EDIL3: variants seen among roughly 807,000 people sequenced by gnomAD.
EDIL3 encodes EGF like and discoidin domains 3.
A neutral mutation model predicts 67.4 loss-of-function variants in EDIL3; 37 were observed. The observed-to-expected ratio is 0.55, with a 90% CI of 0.42 to 0.72. The LOEUF (loss-of-function observed/expected upper bound fraction) is 0.72, where lower values mean the gene tolerates loss of function less well. Among genes scored for constraint, EDIL3 ranks in the 30% least tolerant of loss-of-function variants. EDIL3 has a pLI of 0.00. For missense variants in EDIL3, 527 were observed against 586.3 expected (o/e 0.90, Z 1.04); for synonymous variants, 195 against 196.3 (o/e 0.99, Z 0.05).
chr5:84,128,150 T>A, intron 5 of EDIL3, among the ~76,000 whole-genome samples: 1 of 152,130 alleles, frequency 6.6e-6, no homozygotes, highest in East Asian at 1.9e-4. Flanking sequence ...CACTAGCTGT[T>A]GCTGTCACTG....
At chr5:84,168,582 TAGTAAAA>T in intron 4 of EDIL3, among the ~76,000 whole-genome samples, 1 of 152,260 alleles carries the variant, frequency 6.6e-6, no homozygotes, top group Non-Finnish European at 1.5e-5. Flanking sequence ...CCCACATCTA[TAGTAAAA>T]AGTGAGGTAA....
At chr5:84,280,721 C>T (rs1160785113) in intron 1 of EDIL3, among the ~76,000 whole-genome samples, 1 of 151,906 alleles carries the variant, frequency 6.6e-6, no homozygotes, top group African/African-American at 2.4e-5. Flanking sequence ...GGAAAGCTGA[C>T]ACAGTAGGAT....
chr5:84,061,894 A>T (rs75029593), intron 8 of EDIL3, among the ~76,000 whole-genome samples: 1,536 of 152,168 alleles, frequency 0.01, 35 homozygotes, highest in African/African-American at 0.035. Flanking sequence ...TGGAGTCTAA[A>T]CTATAAAAGA....
chr5:84,053,044 CCA>C (rs1746372837), intron 9 of EDIL3, among the ~76,000 whole-genome samples: 2 of 152,146 alleles, frequency 1.3e-5, no homozygotes, highest in Admixed American at 1.3e-4. Context: ...CCAAAATTGA[CCA>C]CACAGTTGGA....
intron 10 of EDIL3, among the ~76,000 whole-genome samples, chr5:83,949,283 T>C (rs1017618622): frequency 6.6e-6 from 1 of 151,606 alleles, no homozygotes; most frequent in African/African-American, 2.4e-5. Flanking sequence ...AAAGCTGAAA[T>C]AAGGTCATAA....
intron 2 of EDIL3, among the ~76,000 whole-genome samples, chr5:84,230,628 A>G (rs1744554062): frequency 6.6e-6 from 1 of 152,028 alleles, no homozygotes; most frequent in Admixed American, 6.6e-5. Context: ...GCTGGTCTTG[A>G]ACTCCTGACC....
At chr5:84,355,083 A>G (rs1287671330) in intron 1 of EDIL3, among the ~76,000 whole-genome samples, 1 of 152,148 alleles carries the variant, frequency 6.6e-6, no homozygotes, top group Non-Finnish European at 1.5e-5. Context: ...TGTGCTTTCC[A>G]ACTTGATTCC....
At chr5:83,994,550 G>A (rs74389517) in intron 9 of EDIL3, among the ~76,000 whole-genome samples, 1,716 of 152,080 alleles carry the variant, frequency 0.011, 38 homozygotes, top group African/African-American at 0.04. Context: ...TTCCTATAAT[G>A]GCTGAACAAG....
chr5:84,289,839 T>C (rs2112116724), intron 1 of EDIL3, among the ~76,000 whole-genome samples: 1 of 152,316 alleles, frequency 6.6e-6, no homozygotes, highest in Admixed American at 6.5e-5. Flanking sequence ...AACTTTTAAG[T>C]TAAGAAATTG....
At chr5:84,014,221 G>C (rs1304395648) in intron 9 of EDIL3, among the ~76,000 whole-genome samples, 1 of 152,192 alleles carries the variant, frequency 6.6e-6, no homozygotes. Flanking sequence ...TGTTTGGTTA[G>C]CTTGAGAAAT....
chr5:84,340,850 T>C (rs1254160918), intron 1 of EDIL3, among the ~76,000 whole-genome samples: 23 of 151,658 alleles, frequency 1.5e-4, no homozygotes, highest in Admixed American at 1.5e-3. Flanking sequence ...GCTTCACAAA[T>C]TTTCATTCAG....
At chr5:84,274,187 G>C (rs1160535259) in intron 1 of EDIL3, among the ~76,000 whole-genome samples, 1 of 152,048 alleles carries the variant, frequency 6.6e-6, no homozygotes, top group East Asian at 1.9e-4. Context: ...GCTCACTGCA[G>C]CCTCGAACTT....
At chr5:84,111,043 T>C (rs757600201) in intron 5 of EDIL3, among the ~76,000 whole-genome samples, 1 of 152,108 alleles carries the variant, frequency 6.6e-6, no homozygotes, top group African/African-American at 2.4e-5. Flanking sequence ...ATTCTCATAA[T>C]GGTGAGTTCT....
chr5:84,316,543 G>T lies in EDIL3; in HGVS notation c.68-62331C>A, dbSNP rs561528472. Among the ~76,000 whole-genome samples, 5 of 152,136 alleles carry T rather than the reference G, an allele frequency of 3.3e-5. No homozygotes were observed. In the East Asian group the frequency reaches 9.7e-4, roughly 29 times the overall value. On this transcript the variant is annotated intron_variant, in intron 1 of 10. Transcript: ENST00000296591. ...ATTACATAATGGTAAAGGGATCAAT[G>T]CAACAAGAAGAGCTAACTATCCTAA... is the stretch of plus-strand genomic sequence containing the variant.
At chr5:84,238,665 G>GTTTTTTT (rs3046880) in intron 2 of EDIL3, among the ~76,000 whole-genome samples, 17,750 of 100,706 alleles carry the variant, frequency 0.18, 3,335 homozygotes, top group East Asian at 0.26. Flanking sequence ...AAAATTAAAT[G>GTTTTTTT]TTTTTTTTTT....
intron 9 of EDIL3, among the ~76,000 whole-genome samples, chr5:83,965,750 T>C (rs1744679836): frequency 6.6e-6 from 1 of 151,994 alleles, no homozygotes; most frequent in Admixed American, 6.6e-5. Flanking sequence ...CTCTAACGGC[T>C]CCCCTTCTGC....
At chr5:84,157,285 T>C (rs1018078038) in intron 4 of EDIL3, among the ~76,000 whole-genome samples, 7 of 152,014 alleles carry the variant, frequency 4.6e-5, no homozygotes, top group African/African-American at 1.4e-4. Context: ...CGTTTACCTA[T>C]ATAACAAACC....
chr5:84,022,893 GAGAGA>G (rs1341377239), intron 9 of EDIL3, among the ~76,000 whole-genome samples: 2 of 151,884 alleles, frequency 1.3e-5, no homozygotes, highest in Admixed American at 6.6e-5. Context: ...ATAGCTAGAA[GAGAGA>G]ACTTGAATTG....
intron 2 of EDIL3, among the ~76,000 whole-genome samples, chr5:84,251,530 T>C (rs1006875508): frequency 6.6e-6 from 1 of 152,078 alleles, no homozygotes; most frequent in African/African-American, 2.4e-5. Context: ...AGCTAGATAT[T>C]AAAGGCATTA....
Sources: gnomAD v4.1 joint callset for allele counts (sites outside exome capture counted in the v4.1 genomes callset) on GRCh38, gnomAD v4.1.1 for gene constraint, MANE v1.5 for transcripts, NCBI Gene and HGNC (gene_info 2026-07-23, HGNC 2026-07-21) for gene names.